The following PTPRT variants were observed in gnomAD, a reference collection of about 807,000 sequenced individuals.
The protein encoded by PTPRT is protein tyrosine phosphatase receptor type T.
A neutral mutation model predicts 176.8 loss-of-function variants in PTPRT; 56 were observed. The ratio of observed to expected loss-of-function variants is 0.32; its 90% confidence interval spans 0.26 to 0.40. The LOEUF is 0.40. Among genes scored for constraint, PTPRT ranks in the 10% least tolerant of loss-of-function variants. The pLI is 1.00. For missense variants in PTPRT, 1,540 were observed against 1,908.2 expected (o/e 0.81, Z 3.60); for synonymous variants, 783 against 739.0 (o/e 1.06, Z -0.96).
At chr20:42,347,018 T>C in intron 11 of PTPRT, among the ~76,000 whole-genome samples, 1 of 152,074 alleles carries the variant, frequency 6.6e-6, no homozygotes, top group East Asian at 1.9e-4. Flanking sequence ...GCAGAGGAAC[T>C]CAGAACTTCC....
At chr20:42,167,259 TAGG>T (rs1329436988) in intron 16 of PTPRT, among the ~76,000 whole-genome samples, 8 of 152,158 alleles carry the variant, frequency 5.3e-5, no homozygotes, top group African/African-American at 1.9e-4. Context: ...GGGAGTCATT[TAGG>T]GCTTCTTTCG....
At chr20:42,139,801 C>A (rs944374005) in intron 18 of PTPRT, among the ~76,000 whole-genome samples, 2 of 152,244 alleles carry the variant, frequency 1.3e-5, no homozygotes, top group Admixed American at 1.3e-4. Context: ...GGGGACCAGA[C>A]AGGGCAAGCA....
At chr20:42,758,495 A>G (rs75977000) in intron 5 of PTPRT, among the ~76,000 whole-genome samples, 2,984 of 152,280 alleles carry the variant, frequency 0.02, 89 homozygotes, top group African/African-American at 0.069. Flanking sequence ...GCTCCAGGCT[A>G]CAGGCTACAG....
intron 9 of PTPRT, among the ~76,000 whole-genome samples, chr20:42,441,370 C>T (rs951761041): frequency 2.0e-5 from 3 of 152,060 alleles, no homozygotes; most frequent in Admixed American, 2.0e-4. Context: ...CACAGAGTGG[C>T]GAGGGCTGCC....
At chr20:42,752,970 T>C (rs2076786411) in intron 6 of PTPRT, among the ~76,000 whole-genome samples, 1 of 152,118 alleles carries the variant, frequency 6.6e-6, no homozygotes, top group Non-Finnish European at 1.5e-5. Flanking sequence ...TTTAGCAGTG[T>C]GTTTGGGGTC....
intron 8 of PTPRT, among the ~76,000 whole-genome samples, chr20:42,454,858 C>T (rs1418566668): frequency 2.6e-5 from 4 of 152,198 alleles, no homozygotes; most frequent in Admixed American, 2.0e-4. Context: ...ATAATGCTTA[C>T]TGCAAAGTAC....
chr20:42,847,376 G>A (rs1035691042), intron 2 of PTPRT, among the ~76,000 whole-genome samples: 2 of 152,066 alleles, frequency 1.3e-5, no homozygotes, highest in Admixed American at 6.5e-5. Flanking sequence ...CTTACTCCCC[G>A]CCCCCCTCTG....
chr20:42,615,645 G>A (rs1274912298), intron 7 of PTPRT, among the ~76,000 whole-genome samples: 1 of 131,374 alleles, frequency 7.6e-6, no homozygotes, highest in African/African-American at 3.5e-5. Context: ...GGTGTGAGAT[G>A]GTATCTCATT....
chr20:42,934,460 G>A (rs890148470), intron 1 of PTPRT, among the ~76,000 whole-genome samples: 8 of 152,164 alleles, frequency 5.3e-5, no homozygotes, highest in African/African-American at 1.9e-4. Flanking sequence ...AGGAATCCAG[G>A]CAGAGCTCAG....
intron 1 of PTPRT, among the ~76,000 whole-genome samples, chr20:43,052,387 G>A (rs1987082966): frequency 6.6e-6 from 1 of 152,236 alleles, no homozygotes; most frequent in African/African-American, 2.4e-5. Context: ...CTCAACAGAT[G>A]TTTATTGGCT....
chr20:42,406,760 G>A (rs2058964766), intron 9 of PTPRT, among the ~76,000 whole-genome samples: 1 of 152,104 alleles, frequency 6.6e-6, no homozygotes, highest in African/African-American at 2.4e-5. Flanking sequence ...GAATCAATCA[G>A]TGCATCCAAA....
chr20:42,199,594 A>G (rs531688098), intron 15 of PTPRT, among the ~76,000 whole-genome samples: 52 of 152,248 alleles, frequency 3.4e-4, no homozygotes, highest in African/African-American at 1.0e-3. Flanking sequence ...ACCCCCGACA[A>G]TGCATGTGTT....
At chr20:42,056,855 A>G in the PTPRT span, among the ~76,000 whole-genome samples, 1 of 152,334 alleles carries the variant, frequency 6.6e-6, no homozygotes, top group African/African-American at 2.4e-5. Flanking sequence ...CTAACACAGG[A>G]AAGAGCAGAA....
Position 42,470,818 on chromosome 20 carries a change from GC to G in PTPRT, c.1450+1447del, listed in dbSNP as rs201021879. On this transcript the variant is annotated intron_variant, in intron 8 of 30. Coordinates refer to ENST00000373187, the MANE Select transcript of PTPRT (RefSeq NM_007050.6). The stretch of plus-strand genomic sequence containing the variant: ...AAATGGCATGGGTAAGGACAGAGAG[GC>G]AGGAAAAGTTATGTGTTCTAGCAGT... 7.9e-3 allele frequency among the ~76,000 whole-genome samples: 1,200 copies of G among 152,060 alleles called. 11 individuals carry two copies. Among genetic ancestry groups the G allele is most frequent in the Middle Eastern group, 0.014 (4 of 294 alleles).
chr20:43,041,472 TGGA>T (rs1029300820), intron 1 of PTPRT, among the ~76,000 whole-genome samples: 5 of 152,384 alleles, frequency 3.3e-5, no homozygotes, highest in Admixed American at 1.3e-4. Flanking sequence ...CTCCTGTGTG[TGGA>T]CAACAGGGAC....
At chr20:42,529,910 C>T (rs1479590495) in intron 7 of PTPRT, among the ~76,000 whole-genome samples, 2 of 151,642 alleles carry the variant, frequency 1.3e-5, no homozygotes, top group Non-Finnish European at 2.9e-5. Context: ...ATACAACTGC[C>T]TTTTTATTGA....
chr20:42,123,976 C>A (rs1007211127), intron 19 of PTPRT, among the ~76,000 whole-genome samples: 4 of 152,192 alleles, frequency 2.6e-5, no homozygotes, highest in Non-Finnish European at 5.9e-5. Context: ...TCCCCAGCAC[C>A]TACAAGTCAG....
chr20:42,231,108 C>A (rs550405879), intron 15 of PTPRT, among the ~76,000 whole-genome samples: 1 of 151,428 alleles, frequency 6.6e-6, no homozygotes, highest in African/African-American at 2.4e-5. Flanking sequence ...ACTGCCCCAG[C>A]GGCCTCCTTA....
chr20:43,186,437 T>A (rs1357348644), intron 1 of PTPRT, among the ~76,000 whole-genome samples: 2 of 152,202 alleles, frequency 1.3e-5, no homozygotes, highest in Non-Finnish European at 2.9e-5. Flanking sequence ...TACACAGCAT[T>A]GCTCTTGTTT....
Sources: gnomAD v4.1 joint callset for allele counts (sites outside exome capture counted in the v4.1 genomes callset) on GRCh38, gnomAD v4.1.1 for gene constraint, MANE v1.5 for transcripts, NCBI Gene and HGNC (gene_info 2026-07-23, HGNC 2026-07-21) for gene names.